The following FBXO42 variants were observed in gnomAD, a reference collection of about 807,000 sequenced individuals.
FBXO42 encodes F-box only protein 42.
In FBXO42, 12 loss-of-function variants were observed where a neutral mutation model predicts 71.7. That is an observed-to-expected ratio of 0.17 (90% CI 0.11 to 0.27). The LOEUF is 0.27. FBXO42 is among the 10% of genes least tolerant of loss of function. The pLI, the probability that FBXO42 is intolerant of heterozygous loss-of-function variation, is 1.00. For missense variants in FBXO42, 707 were observed against 911.9 expected (o/e 0.78, Z 2.89); for synonymous variants, 325 against 327.5 (o/e 0.99, Z 0.08).
chr1:16,271,245 G>C (rs941364482), intron 4 of FBXO42, among the ~76,000 whole-genome samples: 2 of 142,704 alleles, frequency 1.4e-5, no homozygotes, highest in Non-Finnish European at 3.0e-5. Flanking sequence ...ACTACTGTGT[G>C]CGTGTGTGTG....
rs757456312 is a variant in FBXO42, at chr1:16,251,570, C to A, written c.1254G>T (p.Gln418His). ...WGTLRPRAQRQTPSGSREGSL... is the reference protein window; with the variant it reads ...WGTLRPRAQRHTPSGSREGSL... ...TCCCTTCCCGGGAACCTGAAGGAGTCTGCCTTTGAGCCCTGGGTCTCAGTG... is the reference window on the plus strand; with the variant it reads ...TCCCTTCCCGGGAACCTGAAGGAGTATGCCTTTGAGCCCTGGGTCTCAGTG... The change falls in exon 10 of 10, where the codon CAG becomes CAT. Residue 418 changes from glutamine (Q) to histidine (H), a missense_variant. Physicochemically the swap from Gln to His is conservative, Grantham distance 24 (BLOSUM62 0). Transcript: ENST00000375592. This position sits in a 1 kb window ranked among gnomAD's most constrained non-coding sequence, Gnocchi z 4.5. The A allele has an allele frequency of 1.2e-5, 19 of 1,614,052 alleles. No homozygotes were observed. Among genetic ancestry groups the A allele is most frequent in the Non-Finnish European group, 1.6e-5 (19 of 1,180,026 alleles).
rs564348604 is a variant in FBXO42 at position 16,291,989 on chromosome 1, A to C, written c.502+2794T>G. Reference sequence around the variant, plus strand: ...GCCCAGCCAGGACTCTTTATTAAACAATTGTTTTTTATAAGTAGACATTTC... The same window carrying C: ...GCCCAGCCAGGACTCTTTATTAAACCATTGTTTTTTATAAGTAGACATTTC... On this transcript the variant is annotated intron_variant, in intron 4 of 9. Coordinates refer to ENST00000375592, the MANE Select transcript of FBXO42 (RefSeq NM_018994.3). Among the ~76,000 whole-genome samples, 13 of 152,168 alleles carry C rather than the reference A, an allele frequency of 8.5e-5. No homozygotes were observed. In the South Asian group the frequency reaches 2.7e-3, roughly 32 times the overall value.
chr1:16,279,854 C>CTTT (rs1553151074), intron 4 of FBXO42, among the ~76,000 whole-genome samples: 11,409 of 138,128 alleles, frequency 0.083, 675 homozygotes, highest in African/African-American at 0.1. Context: ...TTTTTTTTTT[C>CTTT]TTTTTTTTTT....
intron 1 of FBXO42, among the ~76,000 whole-genome samples, chr1:16,328,292 A>G (rs1225284261): frequency 1.3e-5 from 2 of 152,230 alleles, no homozygotes; most frequent in African/African-American, 4.8e-5. Context: ...TAACCTAAGT[A>G]ACTTTGGAAA....
chr1:16,350,560 T>G (rs957780085), intron 1 of FBXO42, among the ~76,000 whole-genome samples: 6 of 116,222 alleles, frequency 5.2e-5, no homozygotes, highest in African/African-American at 2.0e-4. Flanking sequence ...AAACCCCGTC[T>G]CTACTAAAAT....
At chr1:16,260,102 T>G (rs2100443827) in intron 4 of FBXO42, among the ~76,000 whole-genome samples, 1 of 152,260 alleles carries the variant, frequency 6.6e-6, no homozygotes, top group East Asian at 1.9e-4. Flanking sequence ...GATGAATAAC[T>G]TAACTCCAAG....
intron 3 of FBXO42, among the ~76,000 whole-genome samples, chr1:16,304,836 G>A (rs186458106): frequency 6.6e-6 from 1 of 152,204 alleles, no homozygotes; most frequent in East Asian, 1.9e-4. Flanking sequence ...AGGTGTGGTG[G>A]CACACACCAG....
intron 1 of FBXO42, among the ~76,000 whole-genome samples, chr1:16,319,672 G>A (rs2082396683): frequency 6.6e-6 from 1 of 152,108 alleles, no homozygotes; most frequent in African/African-American, 2.4e-5. Context: ...CAGCACTTTG[G>A]GAAGCTTAGG....
At chr1:16,314,728 C>CA (rs1408304597) in intron 2 of FBXO42, among the ~76,000 whole-genome samples, 4 of 151,830 alleles carry the variant, frequency 2.6e-5, no homozygotes, top group South Asian at 2.1e-4. Flanking sequence ...AGTAAAAATA[C>CA]AAAAAATCAG....
At chr1:16,284,257 T>C (rs1410521622) in intron 4 of FBXO42, among the ~76,000 whole-genome samples, 1 of 152,200 alleles carries the variant, frequency 6.6e-6, no homozygotes, top group Non-Finnish European at 1.5e-5. Flanking sequence ...ATGGTTTCTG[T>C]TCTACCCTCA....
intron 1 of FBXO42, among the ~76,000 whole-genome samples, chr1:16,328,933 G>A (rs949826932): frequency 6.6e-6 from 1 of 152,106 alleles, no homozygotes; most frequent in African/African-American, 2.4e-5. Flanking sequence ...GGGAGGCTGA[G>A]GCGGGTGAAT....
In FBXO42 at chr1:16,251,445, A is replaced by G. The variant is rs1468864452; in HGVS notation, c.1379T>C (p.Val460Ala). The change falls in exon 10 of 10, where the codon GTA (valine) becomes GCA (alanine). Residue 460 changes from valine to alanine, a missense_variant. Around this residue, in one of 5 missense-constraint regions of FBXO42, gnomAD observed 482 missense variants for 587.1 expected, o/e 0.82. Transcript: ENST00000375592. The surrounding 1 kb of genome is among the most constrained non-coding windows in gnomAD (Gnocchi z 4.5). ...AVGGSSLDSP[V>A]QAISPSTPSA... The stretch of plus-strand genomic sequence containing the variant: ...TGGAGTACTTGGAGATATGGCCTGT[A>G]CAGGACTGTCCAAAGAAGAGCCACC... 1 of 1,614,112 alleles carries G rather than the reference A, an allele frequency of 6.2e-7. No individual in the cohort carries two copies.
intron 4 of FBXO42, among the ~76,000 whole-genome samples, chr1:16,283,609 G>C (rs2081990096): frequency 6.9e-6 from 1 of 144,976 alleles, no homozygotes; most frequent in Admixed American, 7.4e-5. Context: ...GCAATTCCCT[G>C]CCTCAGCCTC....
intron 1 of FBXO42, among the ~76,000 whole-genome samples, chr1:16,321,138 C>T (rs568979714): frequency 1.3e-5 from 2 of 152,234 alleles, no homozygotes; most frequent in African/African-American, 2.4e-5. Context: ...CTGTAATAGC[C>T]AATGTCAAGC....
chr1:16,335,256 C>T (rs991262238), intron 1 of FBXO42, among the ~76,000 whole-genome samples: 6 of 151,968 alleles, frequency 3.9e-5, no homozygotes, highest in African/African-American at 1.2e-4. Flanking sequence ...TCTCCTGCCT[C>T]AACTTCCCAA....
chr1:16,256,120 T>C lies in FBXO42; in HGVS notation c.657-299A>G, dbSNP rs1013032319. On this transcript the variant is annotated intron_variant, in intron 5 of 9. Transcript: ENST00000375592. ...TGACAAAGCACCACCTGCCACCTGCTACCTTTCCCTATGGTCCTGATCAGT... is the reference window on the plus strand; with the variant it reads ...TGACAAAGCACCACCTGCCACCTGCCACCTTTCCCTATGGTCCTGATCAGT... Among the ~76,000 whole-genome samples, 29 of 152,224 alleles carry C rather than the reference T, an allele frequency of 1.9e-4. 1 individual carries two copies. Among genetic ancestry groups the C allele is most frequent in the Admixed American group, 1.7e-3 (26 of 15,282 alleles).
chr1:16,351,888 G>C (rs532233690), intron 1 of FBXO42, among the ~76,000 whole-genome samples: 9 of 152,218 alleles, frequency 5.9e-5, no homozygotes, highest in African/African-American at 2.2e-4. Context: ...CCCGACCCCC[G>C]ACTCCTCTCT....
At chr1:16,286,148 C>T (rs112385350) in intron 4 of FBXO42, among the ~76,000 whole-genome samples, 3,273 of 152,118 alleles carry the variant, frequency 0.022, 121 homozygotes, top group African/African-American at 0.074. Context: ...ATTTTACAGG[C>T]GTGAGCCACC....
rs1402353332 is a variant in FBXO42, at chr1:16,294,532, C to T, written c.502+251G>A. ...ACCTGTATGAGTATACTTGAGAAAA[C>T]CATGCAAATGAATTCACACAGCAGT... is the stretch of plus-strand genomic sequence containing the variant. On this transcript the variant is annotated intron_variant, in intron 4 of 9. Transcript: ENST00000375592. 8 of 440,646 alleles carry T rather than the reference C, an allele frequency of 1.8e-5. No homozygotes were observed. The East Asian group carries it at 2.7e-4, about 15-fold the overall frequency. 27.3% of individuals were successfully genotyped at this position (440,646 alleles called of 1,614,324 possible).
Sources: gnomAD v4.1 joint callset for allele counts (sites outside exome capture counted in the v4.1 genomes callset) on GRCh38, gnomAD v4.1.1 for gene constraint, gnomAD v4.1.1 regional missense constraint, Gnocchi (gnomAD v3.1) non-coding constraint, MANE v1.5 for transcripts, NCBI Gene and HGNC (gene_info 2026-07-23, HGNC 2026-07-21) for gene names.